Variants in TPD52L1 observed in about 807,000 individuals in gnomAD.
The protein encoded by TPD52L1 is tumor protein D53.
TPD52L1 carries 18 observed loss-of-function variants against 28.7 expected under a neutral mutation model. The observed-to-expected ratio is 0.63, with a 90% CI of 0.43 to 0.93. The LOEUF is 0.93. TPD52L1 is among the 40% of genes least tolerant of loss of function. The pLI is 0.00. For synonymous variants in TPD52L1, 75 were observed against 88.8 expected (o/e 0.84, Z 0.88); for missense variants, 203 against 254.8 (o/e 0.80, Z 1.39).
rs372317977 is a variant in TPD52L1, at chr6:125,244,607, A to C, written c.285-3675A>C. Among the ~76,000 whole-genome samples, 12 of 152,268 alleles carry C rather than the reference A, an allele frequency of 7.9e-5. No homozygotes were observed. The East Asian group carries it at 1.5e-3, about 20-fold the overall frequency. Reference sequence around the variant, plus strand: ...TGACTTTGCCTCTCATGCAGGCTTGAATCTGGAGTGTGTTCCTCCTGTGGG... The same window carrying C: ...TGACTTTGCCTCTCATGCAGGCTTGCATCTGGAGTGTGTTCCTCCTGTGGG... On this transcript the variant is annotated intron_variant, in intron 3 of 6. Coordinates refer to ENST00000534000, the MANE Select transcript of TPD52L1 (RefSeq NM_003287.4).
At chr6:125,226,153 T>C (rs1452661046) in intron 2 of TPD52L1, among the ~76,000 whole-genome samples, 1 of 152,226 alleles carries the variant, frequency 6.6e-6, no homozygotes, top group Non-Finnish European at 1.5e-5. Context: ...TTTAGATCTC[T>C]GATAAATATT....
rs145546666 is a variant in TPD52L1, at chr6:125,177,457, A to T, written c.19+23487A>T. 2.5e-3 allele frequency among the ~76,000 whole-genome samples: 385 copies of T among 152,310 alleles called. 2 individuals are homozygous for T. The highest frequency in any genetic ancestry group is 8.5e-3 in the African/African-American group (354 of 41,570). On this transcript the variant is annotated intron_variant, in intron 1 of 6. Transcript: ENST00000534000. ...ATTTAGAGTTGGAGAGGACTTAATG[A>T]ATGTTCTAATACAATCTCCACATTT...
intron 1 of TPD52L1, among the ~76,000 whole-genome samples, chr6:125,194,239 C>A (rs1473830655): frequency 3.3e-5 from 5 of 152,060 alleles, no homozygotes; most frequent in Non-Finnish European, 7.4e-5. Context: ...CAGCTGACAG[C>A]AGGCTAAGAT....
intron 3 of TPD52L1, among the ~76,000 whole-genome samples, chr6:125,237,796 A>G (rs548544537): frequency 6.6e-6 from 1 of 151,998 alleles, no homozygotes; most frequent in Non-Finnish European, 1.5e-5. Flanking sequence ...GGCATGTGCC[A>G]CCCAGCCCTG....
intron 1 of TPD52L1, among the ~76,000 whole-genome samples, chr6:125,169,353 C>T (rs58984225): frequency 1.1e-3 from 173 of 152,166 alleles, no homozygotes; most frequent in African/African-American, 3.8e-3. Context: ...TTTTTCCTGC[C>T]TGGACCTCAC....
intron 2 of TPD52L1, chr6:125,222,122 A>G (rs1184907354): frequency 6.6e-6 from 1 of 152,238 alleles, no homozygotes; most frequent in Non-Finnish European, 1.5e-5. Flanking sequence ...ACAAGTGTGC[A>G]TGCGGATGTG....
intron 2 of TPD52L1, among the ~76,000 whole-genome samples, chr6:125,221,161 A>C (rs1365067200): frequency 6.6e-6 from 1 of 152,202 alleles, no homozygotes; most frequent in African/African-American, 2.4e-5. Context: ...AGGTGCTTTT[A>C]CAAGACACAC....
intron 2 of TPD52L1, among the ~76,000 whole-genome samples, chr6:125,224,831 C>T (rs1452164262): frequency 6.6e-6 from 1 of 152,200 alleles, no homozygotes; most frequent in Non-Finnish European, 1.5e-5. Flanking sequence ...AATTCATTAG[C>T]TAATTCAGAC....
At chr6:125,166,023 T>C (rs1334781477) in intron 1 of TPD52L1, among the ~76,000 whole-genome samples, 1 of 152,188 alleles carries the variant, frequency 6.6e-6, no homozygotes, top group East Asian at 1.9e-4. Flanking sequence ...AAAGGACTAA[T>C]TTCAATGAGT....
chr6:125,213,022 G>A (rs560875142), intron 1 of TPD52L1, among the ~76,000 whole-genome samples: 8 of 152,204 alleles, frequency 5.3e-5, no homozygotes, highest in African/African-American at 1.9e-4. Context: ...TTTATTGCAT[G>A]TAAAAGAGTA....
chr6:125,163,582 TAAAA>T (rs749871847), intron 1 of TPD52L1, among the ~76,000 whole-genome samples: 2 of 123,320 alleles, frequency 1.6e-5, no homozygotes. Context: ...ACACCCTGTC[TAAAA>T]AAAAAAAAAA....
At chr6:125,259,667 C>G (rs1344707238) in intron 6 of TPD52L1, among the ~76,000 whole-genome samples, 2 of 152,144 alleles carry the variant, frequency 1.3e-5, no homozygotes, top group Non-Finnish European at 2.9e-5. Context: ...TTTAGTGCAC[C>G]TACTTTTTGA....
At position 125,153,955 on chromosome 6, in the gene TPD52L1, G is replaced by C. The variant is rs139773004; in HGVS notation, c.4G>C (p.Glu2Gln). The change falls in exon 1 of 7, where the codon GAG (glutamate) becomes CAG (glutamine). Residue 2 changes from glutamate to glutamine, a missense_variant. By Grantham distance (29) the Glu-to-Gln change is conservative. Transcript: ENST00000534000. M[E>Q]AQAQGLLETE... ...CCTCAGCTCGAAGTCAGCCACCATG[G>C]AGGCGCAGGCACAAGGTGAGTGGTC... 3.9e-4 allele frequency: 631 copies of C among 1,607,864 alleles called. 1 individual carries two copies. The highest frequency in any genetic ancestry group is 4.7e-4 in the South Asian group (42 of 89,738).
chr6:125,224,588 CT>C (rs1399146640), intron 2 of TPD52L1, among the ~76,000 whole-genome samples: 3 of 152,090 alleles, frequency 2.0e-5, no homozygotes, highest in Non-Finnish European at 2.9e-5. Flanking sequence ...TTTTGCACCT[CT>C]TAGTCAGTAT....
In TPD52L1 at chr6:125,235,558, G is replaced by A. The variant is rs562249773; in HGVS notation, c.284+6292G>A. On this transcript the variant is annotated intron_variant, in intron 3 of 6. Coordinates refer to ENST00000534000, the MANE Select transcript of TPD52L1 (RefSeq NM_003287.4). The stretch of plus-strand genomic sequence containing the variant: ...AAGCTTGGCCTAGGCTATGGTGTGA[G>A]TGCTGCTCCTTGGTGCTTTTAAGTA... Among the ~76,000 whole-genome samples the A allele has an allele frequency of 1.4e-3, 207 of 152,308 alleles. 2 individuals are homozygous for A. The highest frequency in any genetic ancestry group is 4.7e-3 in the African/African-American group (196 of 41,576).
At chr6:125,206,035 G>A (rs1046169653) in intron 1 of TPD52L1, among the ~76,000 whole-genome samples, 2 of 152,136 alleles carry the variant, frequency 1.3e-5, no homozygotes, top group Non-Finnish European at 1.5e-5. Context: ...TAATGTGGTC[G>A]GCTACAACTT....
At chr6:125,252,923 C>G (rs1797365828) in intron 4 of TPD52L1, 2 of 152,310 alleles carry the variant, frequency 1.3e-5, no homozygotes, top group Admixed American at 1.3e-4. Flanking sequence ...GAAGAGAAAG[C>G]AGGGACGCTG....
intron 1 of TPD52L1, among the ~76,000 whole-genome samples, chr6:125,212,669 G>A (rs1582939220): frequency 6.6e-6 from 1 of 152,230 alleles, no homozygotes; most frequent in African/African-American, 2.4e-5. Flanking sequence ...TTTGGTGCCA[G>A]ACTAGCTTTA....
intron 1 of TPD52L1, among the ~76,000 whole-genome samples, chr6:125,167,855 TAAAAAAAA>T (rs555392206): frequency 7.2e-6 from 1 of 138,718 alleles, no homozygotes; most frequent in African/African-American, 2.6e-5. Flanking sequence ...AATCTTGTAC[TAAAAAAAA>T]AAACAAAAAA....
Sources: gnomAD v4.1 joint callset for allele counts (sites outside exome capture counted in the v4.1 genomes callset) on GRCh38, gnomAD v4.1.1 for gene constraint, MANE v1.5 for transcripts, NCBI Gene and HGNC (gene_info 2026-07-23, HGNC 2026-07-21) for gene names.